The following SOD2 variants were observed in gnomAD, a reference collection of about 807,000 sequenced individuals.
SOD2 encodes superoxide dismutase [Mn], mitochondrial.
A neutral mutation model predicts 27.0 loss-of-function variants in SOD2; 11 were observed. The observed-to-expected ratio is 0.41, with a 90% CI of 0.26 to 0.67. The LOEUF is 0.67. SOD2 is among the 30% of genes least tolerant of loss of function. The pLI is 0.34. For missense variants in SOD2, 250 were observed against 274.5 expected, an observed-to-expected ratio of 0.91 and a Z score of 0.63; for synonymous variants, 105 against 103.0, an observed-to-expected ratio of 1.02 and a Z score of -0.12.
At chr6:159,730,101 G>A (rs57466749), upstream of SOD2, among the ~76,000 whole-genome samples, 41 of 152,146 alleles carry the variant, frequency 2.7e-4, no homozygotes, top group East Asian at 7.5e-3. Flanking sequence ...ACCCTTTTGA[G>A]GGGCACCAAA....
At chr6:159,720,990 G>C (rs555428952) in intron 1 of SOD2, among the ~76,000 whole-genome samples, 1 of 149,050 alleles carries the variant, frequency 6.7e-6, no homozygotes, top group Non-Finnish European at 1.5e-5. Context: ...CAAGGAGCTG[G>C]GACTACAGGC....
rs891465637 is a variant in SOD2, at chr6:159,680,250, T to C, written c.*2243A>G. On this transcript the variant is annotated 3_prime_UTR_variant, in exon 5 of 5. Coordinates refer to ENST00000538183, the MANE Select transcript of SOD2 (RefSeq NM_000636.4). ...ATTCAAAAGCTCATCTTTCAAAAGG[T>C]TCCACCTTGCCCGTCTATTTAAACA... 3.3e-5 allele frequency: 5 copies of C among 152,132 alleles called. No individual in the cohort carries two copies. Among genetic ancestry groups the C allele is most frequent in the African/African-American group, 1.2e-4 (5 of 41,428 alleles). The allele number at this position is 152,132 out of a possible 1,614,324, so 9.4% of individuals were successfully genotyped here. A position where few individuals can be genotyped will look rare whatever the true frequency, so the allele number is the denominator to read the frequency against.
chr6:159,710,987 C>G (rs1777736464), intron 1 of SOD2, among the ~76,000 whole-genome samples: 1 of 119,794 alleles, frequency 8.3e-6, no homozygotes, highest in African/African-American at 3.0e-5. Flanking sequence ...CCATAACCAC[C>G]ACTCACACTG....
At chr6:159,724,465 C>CT (rs1778101592) in intron 1 of SOD2, among the ~76,000 whole-genome samples, 1 of 152,190 alleles carries the variant, frequency 6.6e-6, no homozygotes, top group South Asian at 2.1e-4. Context: ...CTCCTGTGCA[C>CT]TTTTTTCATC....
chr6:159,740,272 A>ATT (rs1779174039), intron 1 of SOD2, among the ~76,000 whole-genome samples: 2 of 152,190 alleles, frequency 1.3e-5, no homozygotes, highest in Admixed American at 1.3e-4. Flanking sequence ...CAGTAATCTT[A>ATT]ATAAAGAATC....
upstream of SOD2, chr6:159,693,297 C>G: frequency 1.5e-6 from 1 of 653,142 alleles, no homozygotes; most frequent in Non-Finnish European, 2.3e-6. Flanking sequence ...GGGCCGCGAC[C>G]CCAGCTGCGC....
intron 1 of SOD2, among the ~76,000 whole-genome samples, chr6:159,701,503 C>T (rs537470557): frequency 4.0e-5 from 6 of 148,614 alleles, no homozygotes; most frequent in Admixed American, 1.4e-4. Context: ...CCCAGGAGTT[C>T]GAGGTTGCAG....
At chr6:159,739,089 T>C (rs372140627) in intron 1 of SOD2, 1 of 1,472,952 alleles carries the variant, frequency 6.8e-7, no homozygotes, top group Non-Finnish European at 9.5e-7. Flanking sequence ...CTATAGAACA[T>C]TATATTGTGA....
At position 159,692,651 on chromosome 6, in the gene SOD2, T is replaced by G; in HGVS notation, c.226+10A>C. 6.2e-7 allele frequency: 1 copy of G among 1,613,550 alleles called. No homozygotes were observed. On this transcript the variant is annotated intron_variant, in intron 2 of 4. Coordinates refer to ENST00000538183, the MANE Select transcript of SOD2 (RefSeq NM_000636.4). ...GGGGACTGCCTCCCGCCGCTCAGCC[T>G]GGAACCTACCCTTGGCCAACGCCTC...
At position 159,676,933 on chromosome 6, in the gene SOD2, C is replaced by T. The variant is rs1346764579; in HGVS notation, c.*5560G>A. On this transcript the variant is annotated 3_prime_UTR_variant, in exon 5 of 5. Transcript: ENST00000538183. ...TGTTCTTTCCATGCCCACACAAAGG[C>T]AAGCAGCAGAAGGAGGAGCAAGCAT... 2.0e-5 allele frequency: 3 copies of T among 151,960 alleles called. No individual in the cohort carries two copies. The East Asian group carries it at 5.8e-4, about 29-fold the overall frequency. The allele number at this position is 151,960 out of a possible 1,614,324, so 9.4% of individuals were successfully genotyped here. A position where few individuals can be genotyped will look rare whatever the true frequency, so the allele number is the denominator to read the frequency against.
At chr6:159,754,171 C>A (rs573803460) in intron 1 of SOD2, among the ~76,000 whole-genome samples, 1 of 152,286 alleles carries the variant, frequency 6.6e-6, no homozygotes, top group East Asian at 1.9e-4. Flanking sequence ...TATCCAAATT[C>A]TTTGAAATTT....
chr6:159,746,009 A>G (rs1282310129), upstream of SOD2, among the ~76,000 whole-genome samples: 2 of 152,206 alleles, frequency 1.3e-5, no homozygotes, highest in African/African-American at 4.8e-5. Flanking sequence ...CAAAGATCAA[A>G]TTTTAAAAGA....
intron 1 of SOD2, chr6:159,720,575 T>C (rs1190081874): frequency 1.3e-5 from 2 of 152,426 alleles, no homozygotes; most frequent in East Asian, 3.8e-4. Flanking sequence ...TGATATTTCA[T>C]TTGAAATGGT....
At chr6:159,757,289 CTG>C (rs1780035747) in intron 1 of SOD2, among the ~76,000 whole-genome samples, 1 of 152,258 alleles carries the variant, frequency 6.6e-6, no homozygotes, top group East Asian at 1.9e-4. Context: ...TACTCGAAAA[CTG>C]AGGTACAACT....
intron 3 of SOD2, among the ~76,000 whole-genome samples, chr6:159,685,942 T>C (rs192585625): frequency 6.6e-6 from 1 of 152,206 alleles, no homozygotes; most frequent in Non-Finnish European, 1.5e-5. Flanking sequence ...TTTCCCTGAA[T>C]AGAAAATTTT....
chr6:159,731,883 C>A (rs562083731), upstream of SOD2, among the ~76,000 whole-genome samples: 1 of 152,220 alleles, frequency 6.6e-6, no homozygotes, highest in South Asian at 2.1e-4. Flanking sequence ...CCTTTTAATG[C>A]CCTTTAAAAA....
intron 1 of SOD2, among the ~76,000 whole-genome samples, chr6:159,706,090 C>T (rs1448960989): frequency 1.3e-5 from 2 of 152,168 alleles, no homozygotes; most frequent in Non-Finnish European, 2.9e-5. Flanking sequence ...CACCACCAGG[C>T]CTGCCCTACA....
Position 159,682,191 on chromosome 6 carries a change from G to T in SOD2, c.*302C>A. ...TAGGACTAGAAAGGCATCCCTACAA[G>T]TCCCCAAAGTATATGGATGGAATAT... is the stretch of plus-strand genomic sequence containing the variant. On this transcript the variant is annotated 3_prime_UTR_variant, in exon 5 of 5. Transcript: ENST00000538183. The T allele has an allele frequency of 5.2e-6, 1 of 193,206 alleles. No homozygotes were observed. The highest frequency in any genetic ancestry group is 1.1e-5 in the Non-Finnish European group (1 of 95,216). The allele number at this position is 193,206 out of a possible 1,614,324, so 12.0% of individuals were successfully genotyped here. A position where few individuals can be genotyped will look rare whatever the true frequency, so the allele number is the denominator to read the frequency against.
chr6:159,727,037 C>G (rs983417467), intron 1 of SOD2: 62 of 1,226,460 alleles, frequency 5.1e-5, no homozygotes, highest in Non-Finnish European at 6.2e-5. Flanking sequence ...GCAGGTGGCC[C>G]CGGCGAGTAC....
Sources: allele counts gnomAD v4.1 joint callset (sites outside exome capture counted in the v4.1 genomes callset), GRCh38; gene constraint gnomAD v4.1.1; transcripts MANE v1.5; gene names NCBI Gene and HGNC (gene_info 2026-07-23, HGNC 2026-07-21).